KCNQ3: variants seen among roughly 807,000 people sequenced by gnomAD.
KCNQ3 encodes the protein potassium voltage-gated channel subfamily Q member 3, also known as potassium voltage-gated channel subfamily KQT member 3.
KCNQ3 carries 30 observed loss-of-function variants against 92.5 expected under a neutral mutation model. The ratio of observed to expected loss-of-function variants is 0.32; its 90% CI spans 0.24 to 0.44. The LOEUF is 0.44. Ranked by LOEUF, KCNQ3 falls within the 20% of genes least tolerant of loss-of-function variation. The pLI is 1.00. For synonymous variants in KCNQ3, 450 were observed against 468.8 expected (o/e 0.96, Z 0.52); for missense variants, 913 against 1,140.3 (o/e 0.80, Z 2.87).
intron 1 of KCNQ3, among the ~76,000 whole-genome samples, chr8:132,383,842 C>T (rs1236248183): frequency 6.6e-6 from 1 of 152,162 alleles, no homozygotes; most frequent in East Asian, 1.9e-4. Flanking sequence ...CAAACTGTGC[C>T]TCTACAACAT....
intron 4 of KCNQ3, among the ~76,000 whole-genome samples, chr8:132,178,279 T>C (rs1007265910): frequency 2.6e-5 from 4 of 152,198 alleles, no homozygotes; most frequent in African/African-American, 9.7e-5. Context: ...GAAAGGGGCC[T>C]GTAAAGCATG....
intron 1 of KCNQ3, among the ~76,000 whole-genome samples, chr8:132,408,165 A>T (rs1020445742): frequency 2.5e-4 from 36 of 143,428 alleles, no homozygotes; most frequent in African/African-American, 8.4e-4. Flanking sequence ...TCGTTTTTTT[A>T]AAAAAATCAT....
chr8:132,467,734 A>G (rs1038052290), intron 1 of KCNQ3, among the ~76,000 whole-genome samples: 2 of 152,230 alleles, frequency 1.3e-5, no homozygotes, highest in African/African-American at 2.4e-5. Flanking sequence ...TTCTGAACAA[A>G]TATCCCTAGC....
intron 1 of KCNQ3, among the ~76,000 whole-genome samples, chr8:132,351,807 A>G (rs1818875486): frequency 6.6e-6 from 1 of 152,216 alleles, no homozygotes; most frequent in African/African-American, 2.4e-5. Flanking sequence ...GGCACTGGCT[A>G]TAGGGATAAG....
intron 1 of KCNQ3, among the ~76,000 whole-genome samples, chr8:132,427,669 C>A (rs1821144814): frequency 6.6e-6 from 1 of 152,176 alleles, no homozygotes; most frequent in South Asian, 2.1e-4. Flanking sequence ...AAACCAAGGC[C>A]TATGCTGGGG....
chr8:132,365,040 A>C (rs912849395), intron 1 of KCNQ3, among the ~76,000 whole-genome samples: 5 of 152,148 alleles, frequency 3.3e-5, no homozygotes, highest in African/African-American at 1.2e-4. Flanking sequence ...GGAAAGTGAA[A>C]AAGGCCACTC....
intron 1 of KCNQ3, among the ~76,000 whole-genome samples, chr8:132,299,419 A>G (rs1226357920): frequency 2.0e-5 from 3 of 152,130 alleles, no homozygotes; most frequent in African/African-American, 4.8e-5. Context: ...ATTTGTATTC[A>G]TATGAAAGCT....
At chr8:132,275,911 G>T (rs1402641312) in intron 1 of KCNQ3, among the ~76,000 whole-genome samples, 1 of 151,514 alleles carries the variant, frequency 6.6e-6, no homozygotes, top group African/African-American at 2.4e-5. Flanking sequence ...ATTCCCACCG[G>T]CCTGGAGCCC....
At chr8:132,264,233 C>T (rs76460960) in intron 1 of KCNQ3, among the ~76,000 whole-genome samples, 1,955 of 152,332 alleles carry the variant, frequency 0.013, 111 homozygotes, top group Admixed American at 0.091. Flanking sequence ...CACTGCATGA[C>T]ACACTTAGTT....
At chr8:132,245,237 G>T (rs1481722863) in intron 1 of KCNQ3, among the ~76,000 whole-genome samples, 4 of 152,136 alleles carry the variant, frequency 2.6e-5, no homozygotes, top group African/African-American at 9.7e-5. Flanking sequence ...GGTTCTCAGA[G>T]AGAGAGTATA....
In KCNQ3 at chr8:132,297,004, C is replaced by G. The variant is rs1014431868; in HGVS notation, c.387-110823G>C. Among the ~76,000 whole-genome samples, 52 of 152,214 alleles carry G rather than the reference C, an allele frequency of 3.4e-4. 1 individual carries two copies. Among genetic ancestry groups the G allele is most frequent in the African/African-American group, 1.3e-3 (52 of 41,508 alleles). On this transcript the variant is annotated intron_variant, in intron 1 of 14. Transcript: ENST00000388996. ...TGGTTGAACTAGTTTACAGTCCCAC[C>G]AACAGTGTAAAAGTGTTCCTATTTC...
chr8:132,480,692 A>C lies in KCNQ3; in HGVS notation c.-160T>G. 2 of 773,970 alleles carry C rather than the reference A, an allele frequency of 2.6e-6. No individual in the cohort carries two copies. Among genetic ancestry groups the C allele is most frequent in the Non-Finnish European group, 3.2e-6 (2 of 634,644 alleles). The allele number at this position is 773,970 out of a possible 1,614,324, so 47.9% of individuals were successfully genotyped here. On this transcript the variant is annotated 5_prime_UTR_variant, in exon 1 of 15. Transcript: ENST00000388996. The stretch of plus-strand genomic sequence containing the variant: ...CCCACCCCCCCCCAAAAGCAGGCAA[A>C]GGCGGGCCCCCTGGGGGGCAGGGGA...
intron 1 of KCNQ3, among the ~76,000 whole-genome samples, chr8:132,365,601 G>T (rs999991570): frequency 6.6e-6 from 1 of 152,188 alleles, no homozygotes; most frequent in East Asian, 1.9e-4. Flanking sequence ...TTCCTCAGCT[G>T]TAAAATAGAT....
intron 9 of KCNQ3, 97 bp downstream of exon 9, chr8:132,163,371 C>T: frequency 1.0e-6 from 1 of 994,666 alleles, no homozygotes; most frequent in Non-Finnish European, 1.6e-6. Context: ...TATCTTGGGA[C>T]CAGCATGACC....
chr8:132,338,312 G>A (rs1030767107), intron 1 of KCNQ3, among the ~76,000 whole-genome samples: 10 of 152,148 alleles, frequency 6.6e-5, no homozygotes, highest in Admixed American at 2.6e-4. Context: ...TGGTCCTCCT[G>A]CACAAGGGAG....
At chr8:132,418,498 G>C (rs1251526459) in intron 1 of KCNQ3, among the ~76,000 whole-genome samples, 1 of 152,168 alleles carries the variant, frequency 6.6e-6, no homozygotes, top group Non-Finnish European at 1.5e-5. Flanking sequence ...AATTTAAAAA[G>C]TAGATGGCCG....
chr8:132,424,874 G>C (rs142219793), intron 1 of KCNQ3, among the ~76,000 whole-genome samples: 77 of 152,282 alleles, frequency 5.1e-4, no homozygotes, highest in African/African-American at 1.8e-3. Context: ...CACTGTCACT[G>C]TATTTAGAGC....
At chr8:132,219,984 C>T (rs1814168676) in intron 1 of KCNQ3, among the ~76,000 whole-genome samples, 1 of 152,098 alleles carries the variant, frequency 6.6e-6, no homozygotes, top group African/African-American at 2.4e-5. Flanking sequence ...AGCATGAATC[C>T]CAAAAACCTT....
intron 1 of KCNQ3, among the ~76,000 whole-genome samples, chr8:132,235,401 G>A (rs1814781594): frequency 6.6e-6 from 1 of 152,166 alleles, no homozygotes; most frequent in African/African-American, 2.4e-5. Context: ...TACTTAGGAG[G>A]TTGAGGCAAG....
Sources: gnomAD v4.1 joint callset for allele counts (sites outside exome capture counted in the v4.1 genomes callset) on GRCh38, gnomAD v4.1.1 for gene constraint, MANE v1.5 for transcripts, NCBI Gene and HGNC (gene_info 2026-07-23, HGNC 2026-07-21) for gene names.